The following INTS6L variants were observed in gnomAD, a reference collection of about 807,000 sequenced individuals.
The protein encoded by INTS6L is integrator complex subunit 6 like, also known as integrator complex subunit 6-like.
INTS6L carries 18 observed loss-of-function variants against 64.7 expected under a neutral mutation model. The observed-to-expected ratio is 0.28, with a 90% confidence interval of 0.19 to 0.41. INTS6L has a LOEUF of 0.41. INTS6L is among the 10% of genes least tolerant of loss of function. INTS6L has a pLI of 1.00. For missense variants in INTS6L, 533 were observed against 661.0 expected (o/e 0.81, Z 2.12); for synonymous variants, 227 against 235.9 (o/e 0.96, Z 0.34).
chrX:135,564,608 T>C (rs2086883939), intron 9 of INTS6L, among the ~76,000 whole-genome samples: 1 of 109,301 alleles, frequency 9.1e-6, no homozygotes, highest in African/African-American at 3.3e-5. Flanking sequence ...GGTGCACGCC[T>C]GTAATTCCCA....
At chrX:135,552,527 A>G (rs193096911) in intron 8 of INTS6L, among the ~76,000 whole-genome samples, 1 of 112,200 alleles carries the variant, frequency 8.9e-6, no homozygotes, top group East Asian at 2.8e-4. Context: ...GATTGGAAGT[A>G]CAGGATAGTT....
intron 9 of INTS6L, among the ~76,000 whole-genome samples, chrX:135,564,748 A>T (rs2086892154): frequency 1.0e-5 from 1 of 95,379 alleles, no homozygotes; most frequent in Admixed American, 1.1e-4. Flanking sequence ...AAAAAAAATT[A>T]ATTTTGAGAT....
intron 12 of INTS6L, among the ~76,000 whole-genome samples, chrX:135,573,289 G>A (rs782127495): frequency 1.3e-4 from 15 of 112,516 alleles, no homozygotes; most frequent in African/African-American, 4.8e-4. Flanking sequence ...TACAAAGCTG[G>A]CCCATCACCT....
chrX:135,540,086 A>G (rs1363201434), intron 2 of INTS6L, among the ~76,000 whole-genome samples: 1 of 112,563 alleles, frequency 8.9e-6, no homozygotes, highest in Non-Finnish European at 1.9e-5. Flanking sequence ...CAAACATTCA[A>G]TTTGTAAAAA....
intron 2 of INTS6L, among the ~76,000 whole-genome samples, chrX:135,534,895 G>C (rs5975540): frequency 0.12 from 12,588 of 109,281 alleles, 1,297 homozygotes; most frequent in African/African-American, 0.33. Context: ...TCTTGAACTC[G>C]TGGGCTCCAG....
At chrX:135,578,036 T>C (rs188648029) in intron 15 of INTS6L, among the ~76,000 whole-genome samples, 1 of 112,009 alleles carries the variant, frequency 8.9e-6, no homozygotes, top group Admixed American at 9.4e-5. Context: ...ACCATAAGCT[T>C]ATAGCTTTCT....
intron 6 of INTS6L, 141 bp from the exon 7 acceptor site, chrX:135,549,500 CT>C (rs1223559936): frequency 2.0e-5 from 14 of 697,354 alleles, no homozygotes; most frequent in African/African-American, 1.1e-4. Flanking sequence ...AGTAGAGTCA[CT>C]TTTTTTTCTT....
At chrX:135,545,299 A>G in intron 2 of INTS6L, 124 bp from the exon 3 acceptor site, 1 of 866,672 alleles carries the variant, frequency 1.2e-6, no homozygotes, top group Non-Finnish European at 1.6e-6. Context: ...GTGAAGATAT[A>G]GAATAGAATT....
intron 2 of INTS6L, among the ~76,000 whole-genome samples, chrX:135,524,394 C>T (rs2148554192): frequency 9.0e-6 from 1 of 111,047 alleles, no homozygotes; most frequent in South Asian, 3.7e-4. Flanking sequence ...GTCTTTTCAG[C>T]AAAGTGATGT....
intron 2 of INTS6L, among the ~76,000 whole-genome samples, chrX:135,533,829 C>T (rs2085975292): frequency 8.9e-6 from 1 of 112,089 alleles, no homozygotes; most frequent in Non-Finnish European, 1.9e-5. Flanking sequence ...ATGTAACTAA[C>T]TGAATGTGTG....
chrX:135,537,364 G>T (rs1246463734), intron 2 of INTS6L, among the ~76,000 whole-genome samples: 1 of 112,445 alleles, frequency 8.9e-6, no homozygotes, highest in African/African-American at 3.2e-5. Context: ...GAGACAGGAG[G>T]TGTTCTCTTT....
chrX:135,563,166 A>G (rs1406792965), intron 9 of INTS6L, among the ~76,000 whole-genome samples: 1 of 111,184 alleles, frequency 9.0e-6, no homozygotes, highest in Non-Finnish European at 1.9e-5. Context: ...TGATTGCTCC[A>G]GGTGTTATTA....
intron 2 of INTS6L, among the ~76,000 whole-genome samples, chrX:135,530,972 A>G (rs782542822): frequency 2.0e-3 from 228 of 112,231 alleles, no homozygotes; most frequent in Non-Finnish European, 3.2e-3. Flanking sequence ...TATTATCTAT[A>G]TCCTGCCCTG....
At chrX:135,545,932 T>A (rs6528256) in intron 3 of INTS6L, among the ~76,000 whole-genome samples, 9,442 of 111,457 alleles carry the variant, frequency 0.085, 666 homozygotes, top group African/African-American at 0.22. Flanking sequence ...GAGTAGCATT[T>A]GCTGTTGCTC....
intron 2 of INTS6L, among the ~76,000 whole-genome samples, chrX:135,533,230 T>C (rs781812507): frequency 3.6e-5 from 4 of 112,075 alleles, no homozygotes; most frequent in African/African-American, 9.7e-5. Context: ...CTGTAAACAA[T>C]TTAATAACGT....
Position 135,581,725 on chromosome X carries a change from A to G in INTS6L, c.*89A>G. 1.3e-6 allele frequency: 1 copy of G among 755,266 alleles called. No individual in the cohort carries two copies. The highest frequency in any genetic ancestry group is 2.0e-6 in the Non-Finnish European group (1 of 511,925). The allele number at this position is 755,266 out of a possible 1,213,427, so 62.2% of individuals were successfully genotyped here. ...TGAAGCCTCCTGGAATGTTTGAGTCAAGGGAATTGCTTTCCAGATGCTAAG... is the reference window on the plus strand; with the variant it reads ...TGAAGCCTCCTGGAATGTTTGAGTCGAGGGAATTGCTTTCCAGATGCTAAG... On this transcript the variant is annotated 3_prime_UTR_variant, in exon 18 of 18. Transcript: ENST00000639893.
intron 9 of INTS6L, among the ~76,000 whole-genome samples, chrX:135,566,650 C>T (rs905753056): frequency 8.9e-6 from 1 of 111,873 alleles, no homozygotes; most frequent in African/African-American, 3.3e-5. Flanking sequence ...ATAAACGAAG[C>T]TTAATTGTAT....
intron 2 of INTS6L, among the ~76,000 whole-genome samples, chrX:135,527,512 G>T (rs1289079075): frequency 8.9e-6 from 1 of 112,051 alleles, no homozygotes; most frequent in African/African-American, 3.2e-5. Flanking sequence ...CTTAACCAGA[G>T]AATTGGAGGT....
At chrX:135,549,098 T>A (rs901456690) in intron 6 of INTS6L, among the ~76,000 whole-genome samples, 1 of 112,328 alleles carries the variant, frequency 8.9e-6, no homozygotes. Context: ...CTTCTATCTT[T>A]AAGTGAATTT....
Sources: allele counts gnomAD v4.1 joint callset (sites outside exome capture counted in the v4.1 genomes callset), GRCh38; gene constraint gnomAD v4.1.1; transcripts MANE v1.5; gene names NCBI Gene and HGNC (gene_info 2026-07-23, HGNC 2026-07-21).